Variants in MED13L observed in about 807,000 individuals in gnomAD.
MED13L encodes the protein mediator complex subunit 13L, also known as mediator of RNA polymerase II transcription subunit 13-like.
In MED13L, 7 loss-of-function variants were observed where a neutral mutation model predicts 220.9. That is an observed-to-expected ratio of 0.03 (90% CI 0.02 to 0.06). MED13L has a LOEUF of 0.06. MED13L is among the 10% of genes least tolerant of loss of function. The pLI is 1.00. For synonymous variants in MED13L, 1,011 were observed against 1,015.2 expected (o/e 1.00, Z 0.08); for missense variants, 1,965 against 2,760.5 (o/e 0.71, Z 6.46).
intron 1 of MED13L, among the ~76,000 whole-genome samples, chr12:116,276,258 A>T (rs912947640): frequency 5.3e-5 from 8 of 151,730 alleles, no homozygotes. Context: ...AGCGCGAGAG[A>T]GGCGAAGGCA....
chr12:116,136,167 C>T (rs1362483022), intron 2 of MED13L, among the ~76,000 whole-genome samples: 2 of 152,158 alleles, frequency 1.3e-5, no homozygotes, highest in Non-Finnish European at 2.9e-5. Context: ...TTCCAAAGTG[C>T]TGGGATTACA....
chr12:116,237,817 T>C (rs1394253114), intron 1 of MED13L, 112 bp from the exon 2 acceptor site: 1 of 950,790 alleles, frequency 1.1e-6, no homozygotes, highest in Non-Finnish European at 1.7e-6. Context: ...ACACGAAACT[T>C]CATATCATAA....
chr12:116,158,806 T>C (rs1288264169), intron 2 of MED13L, among the ~76,000 whole-genome samples: 1 of 152,196 alleles, frequency 6.6e-6, no homozygotes, highest in Non-Finnish European at 1.5e-5. Context: ...TTAATTTCTA[T>C]AACCTTACAA....
chr12:116,154,548 G>GA (rs1878283997), intron 2 of MED13L, among the ~76,000 whole-genome samples: 1 of 152,054 alleles, frequency 6.6e-6, no homozygotes, highest in East Asian at 1.9e-4. Flanking sequence ...CCTTCTCCAG[G>GA]AAACTCTCTG....
intron 1 of MED13L, among the ~76,000 whole-genome samples, chr12:116,271,040 C>CAAAAAAAAAAA (rs58162276): frequency 2.0e-4 from 6 of 30,096 alleles, no homozygotes; most frequent in East Asian, 1.1e-3. Context: ...GACTCCGTCT[C>CAAAAAAAAAAA]AAAAAAAAAA....
intron 2 of MED13L, among the ~76,000 whole-genome samples, chr12:116,194,529 C>T (rs537261393): frequency 1.3e-5 from 2 of 152,174 alleles, no homozygotes; most frequent in Non-Finnish European, 2.9e-5. Context: ...AGGACTACTT[C>T]ATCTACAAAT....
intron 3 of MED13L, among the ~76,000 whole-genome samples, chr12:116,105,335 G>T (rs556878367): frequency 5.9e-5 from 9 of 152,300 alleles, no homozygotes; most frequent in African/African-American, 1.9e-4. Flanking sequence ...GAAAGAAGTA[G>T]AGGGGACTAG....
At chr12:116,116,877 G>T (rs377758361) in intron 2 of MED13L, among the ~76,000 whole-genome samples, 1 of 147,746 alleles carries the variant, frequency 6.8e-6, no homozygotes. Context: ...ATGAGAAAAA[G>T]AGTTTGTTTT....
intron 2 of MED13L, among the ~76,000 whole-genome samples, chr12:116,188,157 A>C (rs1881023918): frequency 6.6e-6 from 1 of 152,180 alleles, no homozygotes; most frequent in African/African-American, 2.4e-5. Context: ...GTCATGTCAC[A>C]GCTGCTATTA....
intron 1 of MED13L, among the ~76,000 whole-genome samples, chr12:116,254,224 T>C (rs1196338974): frequency 1.3e-5 from 2 of 152,076 alleles, no homozygotes; most frequent in African/African-American, 4.8e-5. Context: ...TACTGCCCTG[T>C]AGGTCCTAAT....
chr12:116,179,852 T>A (rs1880387347), intron 2 of MED13L, among the ~76,000 whole-genome samples: 1 of 152,144 alleles, frequency 6.6e-6, no homozygotes, highest in Admixed American at 6.6e-5. Flanking sequence ...AGTAGTTGTT[T>A]GCCCAAATAC....
At chr12:115,987,018 T>TA in intron 18 of MED13L, 91 bp downstream of exon 18, 1 of 1,298,036 alleles carries the variant, frequency 7.7e-7, no homozygotes. Context: ...CCTATTTTGT[T>TA]AGTGACGCAA....
chr12:116,253,389 T>C (rs1871742402), intron 1 of MED13L, among the ~76,000 whole-genome samples: 1 of 151,042 alleles, frequency 6.6e-6, no homozygotes, highest in African/African-American at 2.4e-5. Flanking sequence ...GGAAAAAATA[T>C]CACTAGTCCT....
intron 4 of MED13L, among the ~76,000 whole-genome samples, chr12:116,084,379 T>C (rs1468552685): frequency 6.6e-6 from 1 of 152,120 alleles, no homozygotes; most frequent in Non-Finnish European, 1.5e-5. Flanking sequence ...AAGGGGTAAA[T>C]GGAGGGCTGC....
chr12:116,029,505 T>C (rs977271054), intron 4 of MED13L, among the ~76,000 whole-genome samples: 4 of 152,034 alleles, frequency 2.6e-5, no homozygotes, highest in African/African-American at 9.7e-5. Flanking sequence ...CATCTACGTA[T>C]TGCACAAAAG....
intron 23 of MED13L, chr12:115,980,371 G>T: frequency 4.5e-6 from 1 of 223,034 alleles, no homozygotes; most frequent in Non-Finnish European, 9.1e-6. Flanking sequence ...TGCTCTCCAG[G>T]CGGAAGTGGT....
intron 1 of MED13L, chr12:116,276,825 C>A: frequency 9.0e-7 from 1 of 1,108,368 alleles, no homozygotes. Flanking sequence ...ATGCAAATTC[C>A]ACGCCGAGCG....
chr12:116,161,911 A>T (rs1037512323), intron 2 of MED13L, among the ~76,000 whole-genome samples: 1 of 152,040 alleles, frequency 6.6e-6, no homozygotes, highest in Non-Finnish European at 1.5e-5. Flanking sequence ...TCTTTTTTTA[A>T]AAAAAGAAAT....
chr12:116,082,989 C>A (rs1393613019), intron 4 of MED13L, among the ~76,000 whole-genome samples: 2 of 152,294 alleles, frequency 1.3e-5, no homozygotes, highest in South Asian at 2.1e-4. Flanking sequence ...TTAATTTTGA[C>A]AAGTTGATAG....
Sources: gnomAD v4.1 joint callset for allele counts (sites outside exome capture counted in the v4.1 genomes callset) on GRCh38, gnomAD v4.1.1 for gene constraint, MANE v1.5 for transcripts, NCBI Gene and HGNC (gene_info 2026-07-23, HGNC 2026-07-21) for gene names.